The following SAMMSON variants were observed in gnomAD, a reference collection of about 807,000 sequenced individuals.
The protein encoded by SAMMSON is long intergenic non-protein coding RNA 1212.
intron 3 of SAMMSON, among the ~76,000 whole-genome samples, chr3:70,055,758 A>G (rs1438471719): frequency 6.6e-6 from 1 of 152,032 alleles, no homozygotes; most frequent in Non-Finnish European, 1.5e-5. Flanking sequence ...CCTTTCAATT[A>G]TTGTCACCTT....
chr3:70,416,436 C>T (rs898034073), intron 2 of SAMMSON, among the ~76,000 whole-genome samples: 8 of 152,140 alleles, frequency 5.3e-5, no homozygotes, highest in Admixed American at 2.0e-4. Context: ...GGGACAAATC[C>T]GGACTCTTTT....
At chr3:70,180,953 G>C (rs1432489769) in intron 4 of SAMMSON, among the ~76,000 whole-genome samples, 1 of 152,194 alleles carries the variant, frequency 6.6e-6, no homozygotes, top group African/African-American at 2.4e-5. Context: ...CAAATGGGCT[G>C]AGTTAGGAAA....
chr3:70,034,351 A>C (rs547923194), intron 3 of SAMMSON, among the ~76,000 whole-genome samples: 6 of 152,334 alleles, frequency 3.9e-5, no homozygotes, highest in African/African-American at 1.4e-4. Flanking sequence ...TAATTTGATG[A>C]ATATATTCAC....
chr3:70,178,510 C>T (rs1294554030), intron 4 of SAMMSON, among the ~76,000 whole-genome samples: 1 of 152,166 alleles, frequency 6.6e-6, no homozygotes, highest in African/African-American at 2.4e-5. Flanking sequence ...GGAAGAGTCA[C>T]TGCAACCTAA....
chr3:70,000,792 ATTG>A (rs1231606779), intron 1 of SAMMSON, among the ~76,000 whole-genome samples: 1 of 152,150 alleles, frequency 6.6e-6, no homozygotes, highest in African/African-American at 2.4e-5. Context: ...TCATCAAGCT[ATTG>A]TTGTTTTCCT....
chr3:70,263,345 T>C (rs1161323796), intron 6 of SAMMSON, among the ~76,000 whole-genome samples: 3 of 152,218 alleles, frequency 2.0e-5, no homozygotes, highest in Non-Finnish European at 4.4e-5. Flanking sequence ...GTGATCAATA[T>C]AGTTCTTTTT....
chr3:70,241,202 T>C (rs1338333827), intron 4 of SAMMSON, among the ~76,000 whole-genome samples: 1 of 152,154 alleles, frequency 6.6e-6, no homozygotes, highest in African/African-American at 2.4e-5. Flanking sequence ...CGGTTCCTCA[T>C]AAATATTGTC....
At chr3:70,114,978 T>A (rs1248635611) in intron 4 of SAMMSON, among the ~76,000 whole-genome samples, 1 of 152,142 alleles carries the variant, frequency 6.6e-6, no homozygotes, top group Non-Finnish European at 1.5e-5. Flanking sequence ...ATCAAGTATA[T>A]GATGCTGGAT....
intron 4 of SAMMSON, among the ~76,000 whole-genome samples, chr3:70,242,515 T>C (rs768069132): frequency 5.3e-5 from 8 of 152,210 alleles, no homozygotes; most frequent in Non-Finnish European, 1.0e-4. Context: ...TGTTTCCTGT[T>C]GTTCTTGGCC....
intron 9 of SAMMSON, among the ~76,000 whole-genome samples, chr3:70,377,637 A>T (rs548187024): frequency 6.6e-6 from 1 of 152,128 alleles, no homozygotes. Context: ...GAGAAATCTA[A>T]ATTCATAAAG....
chr3:70,125,099 T>C (rs570959339), intron 4 of SAMMSON: 18 of 1,098,366 alleles, frequency 1.6e-5, no homozygotes, highest in Middle Eastern at 2.5e-4. Context: ...AGGATCTGGT[T>C]TTTGTCTAGC....
chr3:70,080,983 C>T (rs1039655085), intron 4 of SAMMSON, among the ~76,000 whole-genome samples: 1 of 152,184 alleles, frequency 6.6e-6, no homozygotes, highest in Non-Finnish European at 1.5e-5. Flanking sequence ...AAAGTTGTTT[C>T]TTTGAACGAC....
At chr3:70,197,292 T>C (rs1701191752) in intron 4 of SAMMSON, 1 of 397,226 alleles carries the variant, frequency 2.5e-6, no homozygotes, top group African/African-American at 2.1e-5. Flanking sequence ...CTCTTAATTA[T>C]TTATCCACAT....
At chr3:70,391,962 T>C (rs1393589524), downstream of SAMMSON, among the ~76,000 whole-genome samples, 2 of 152,150 alleles carry the variant, frequency 1.3e-5, no homozygotes, top group African/African-American at 2.4e-5. Context: ...TACTCACATG[T>C]TATGTCACGA....
At chr3:70,276,167 G>A (rs984244041) in intron 6 of SAMMSON, among the ~76,000 whole-genome samples, 2 of 152,040 alleles carry the variant, frequency 1.3e-5, no homozygotes, top group African/African-American at 4.8e-5. Flanking sequence ...CTAGAATAAT[G>A]TTAGGTATAT....
intron 2 of SAMMSON, among the ~76,000 whole-genome samples, chr3:70,424,318 A>G (rs1226310366): frequency 6.6e-6 from 1 of 152,230 alleles, no homozygotes; most frequent in Non-Finnish European, 1.5e-5. Context: ...TGGGGTTATA[A>G]CATGCAGATC....
At chr3:70,170,579 CTTTTTTTTT>C (rs538385626) in intron 4 of SAMMSON, among the ~76,000 whole-genome samples, 4 of 105,496 alleles carry the variant, frequency 3.8e-5, no homozygotes, top group Admixed American at 2.2e-4. Context: ...CTAGATTTTC[CTTTTTTTTT>C]TTTTTTTTTT....
At chr3:70,135,590 A>T (rs894272295) in intron 4 of SAMMSON, among the ~76,000 whole-genome samples, 1 of 152,218 alleles carries the variant, frequency 6.6e-6, no homozygotes, top group African/African-American at 2.4e-5. Context: ...TTCTGTGGAC[A>T]TAAAAGATAA....
intron 3 of SAMMSON, chr3:70,070,251 A>T (rs1252247010): frequency 6.6e-6 from 1 of 152,108 alleles, no homozygotes; most frequent in Admixed American, 6.6e-5. Context: ...ACCATAGTAC[A>T]TATCAAAAGT....
Sources: allele counts gnomAD v4.1 joint callset (sites outside exome capture counted in the v4.1 genomes callset), GRCh38; gene constraint gnomAD v4.1.1; transcripts MANE v1.5; gene names NCBI Gene and HGNC (gene_info 2026-07-23, HGNC 2026-07-21).